Variants in CRYGB observed in about 807,000 individuals in gnomAD.
The protein encoded by CRYGB is crystallin gamma B.
In CRYGB, 19 loss-of-function variants were observed where a neutral mutation model predicts 21.3. The ratio of observed to expected loss-of-function variants is 0.89; its 90% confidence interval spans 0.62 to 1.31. The LOEUF is 1.31. CRYGB is among the 50% of genes most tolerant of loss of function. The pLI, the probability that CRYGB is intolerant of heterozygous loss-of-function variation, is 0.00. For missense variants in CRYGB, 254 were observed against 228.4 expected (o/e 1.11, Z -0.72); for synonymous variants, 81 against 81.2 (o/e 1.00, Z 0.01).
chr2:208,143,015 T>C, intron 2 of CRYGB, 102 bp from the exon 3 acceptor site: 10 of 1,337,612 alleles, frequency 7.5e-6, no homozygotes, highest in African/African-American at 1.5e-5. Flanking sequence ...CCAGAAGTTC[T>C]CCCAGGCCAA....
At chr2:208,145,662 C>A in intron 2 of CRYGB, 112 bp downstream of exon 2, 2 of 1,456,630 alleles carry the variant, frequency 1.4e-6, no homozygotes, top group Admixed American at 2.5e-5. Flanking sequence ...GCACTCCACC[C>A]TGGGGGACAG....
intron 2 of CRYGB, among the ~76,000 whole-genome samples, chr2:208,145,294 G>A: frequency 6.6e-6 from 1 of 151,902 alleles, no homozygotes; most frequent in Admixed American, 6.6e-5. Flanking sequence ...CCAGGCTGGA[G>A]TGCAGTGGCA....
Position 208,142,843 on chromosome 2 carries a change from T to C in CRYGB, c.323A>G (p.Asp108Gly), listed in dbSNP as rs1695379608. The C allele has an allele frequency of 6.2e-7, 1 of 1,614,128 alleles. No homozygotes were observed. The highest frequency in any genetic ancestry group is 1.3e-5 in the African/African-American group (1 of 75,042). ...ELRGQMSELT[D>G]DCISVQDRFH... ...GCGGTCCTGAACAGAGATACAGTCGTCTGTGAGCTCTGACATTTGTCCCCT... is the reference window on the plus strand; with the variant it reads ...GCGGTCCTGAACAGAGATACAGTCGCCTGTGAGCTCTGACATTTGTCCCCT... The change falls in exon 3 of 3, where the codon GAC (aspartate) becomes GGC (glycine). Residue 108 changes from aspartate (D) to glycine (G), a missense_variant. By Grantham distance (94) the Asp-to-Gly change is moderately conservative (BLOSUM62 -1). Transcript: ENST00000260988.
At position 208,142,828 on chromosome 2, in the gene CRYGB, A is replaced by G; in HGVS notation, c.338T>C (p.Val113Ala). 6.2e-7 allele frequency: 1 copy of G among 1,614,162 alleles called. No individual in the cohort carries two copies. The highest frequency in any genetic ancestry group is 8.5e-7 in the Non-Finnish European group (1 of 1,180,028). ...TTCAGTGAGGTGGAAGCGGTCCTGAACAGAGATACAGTCGTCTGTGAGCTC... is the reference window on the plus strand; with the variant it reads ...TTCAGTGAGGTGGAAGCGGTCCTGAGCAGAGATACAGTCGTCTGTGAGCTC... ...MSELTDDCISVQDRFHLTEIH... is the reference protein window; with the variant it reads ...MSELTDDCISAQDRFHLTEIH... The change falls in exon 3 of 3, where the codon GTT becomes GCT. Residue 113 changes from valine to alanine, a missense_variant. Physicochemically the swap from Val to Ala is moderately conservative, Grantham distance 64. Coordinates refer to ENST00000260988, the MANE Select transcript of CRYGB (RefSeq NM_005210.4).
At chr2:208,145,367 C>T (rs868211418) in intron 2 of CRYGB, among the ~76,000 whole-genome samples, 14 of 151,984 alleles carry the variant, frequency 9.2e-5, no homozygotes, top group East Asian at 3.9e-4. Flanking sequence ...CTGCCCCAGC[C>T]GCCCGAGTAG....
chr2:208,145,971 A>T lies in CRYGB; in HGVS notation c.55T>A (p.Cys19Ser), dbSNP rs1432376970. 6.2e-7 allele frequency: 1 copy of T among 1,614,200 alleles called. No homozygotes were observed. Among genetic ancestry groups the T allele is most frequent in the Non-Finnish European group, 8.5e-7 (1 of 1,180,034 alleles). ...DRAFQGRSYE[C>S]TTDCPNLQPY... is the part of the protein sequence containing the mutation. ...TGTAGGTTGGGGCAGTCAGTGGTGC[A>T]TTCGTAGCTGCGGCCCTGGAAGGCC... The change falls in exon 2 of 3, where the codon TGC becomes AGC. Residue 19 changes from cysteine to serine, a missense_variant. Cys to Ser is a moderately radical substitution (Grantham distance 112, BLOSUM62 -1). Transcript: ENST00000260988.
intron 2 of CRYGB, among the ~76,000 whole-genome samples, chr2:208,145,239 G>A (rs979466990): frequency 1.1e-5 from 1 of 88,316 alleles, no homozygotes; most frequent in African/African-American, 3.6e-5. Flanking sequence ...TGTTGTTGTT[G>A]TTGTTGTTGT....
chr2:208,144,703 G>C (rs1023306278), intron 2 of CRYGB, among the ~76,000 whole-genome samples: 1 of 149,766 alleles, frequency 6.7e-6, no homozygotes, highest in Non-Finnish European at 1.5e-5. Flanking sequence ...CGATTCTCCT[G>C]CCTCAGCCTC....
In CRYGB at chr2:208,145,348, G is replaced by A. The variant is rs549530442; in HGVS notation, c.252+426C>T. Reference sequence around the variant, plus strand: ...ACCTCCATCTCCCGGCTTCAAGCAAGCAATTCTCCTGCCCCAGCCGCCCGA... The same window carrying A: ...ACCTCCATCTCCCGGCTTCAAGCAAACAATTCTCCTGCCCCAGCCGCCCGA... On this transcript the variant is annotated intron_variant, in intron 2 of 2. Coordinates refer to ENST00000260988, the MANE Select transcript of CRYGB (RefSeq NM_005210.4). 7.7e-4 allele frequency among the ~76,000 whole-genome samples: 116 copies of A among 151,406 alleles called. 2 individuals are homozygous for A. In the South Asian group the frequency reaches 0.024, roughly 32 times the overall value.
chr2:208,145,759 C>T lies in CRYGB; in HGVS notation c.252+15G>A. 2 of 1,582,342 alleles carry T rather than the reference C, an allele frequency of 1.3e-6. No individual in the cohort carries two copies. The highest frequency in any genetic ancestry group is 2.7e-5 in the African/African-American group (2 of 72,914). On this transcript the variant is annotated intron_variant, in intron 2 of 2. Coordinates refer to ENST00000260988, the MANE Select transcript of CRYGB (RefSeq NM_005210.4). ...TTTCCAAAAAGATGGAAGGCAAAGA[C>T]AGAGCCACACTCACCGGGGGGATGA...
chr2:208,142,944 A>G, intron 2 of CRYGB, 31 bp from the exon 3 acceptor site: 3 of 1,548,332 alleles, frequency 1.9e-6, no homozygotes, highest in African/African-American at 1.4e-5. Context: ...CGCAAGAGTA[A>G]ACAAACAAAA....
intron 1 of CRYGB, 22 bp from the exon 2 acceptor site, chr2:208,146,038 A>G (rs1695465481): frequency 6.2e-7 from 1 of 1,611,160 alleles, no homozygotes; most frequent in South Asian, 1.1e-5. Context: ...AAGATGTGGG[A>G]GCATGGAGTG....
intron 2 of CRYGB, 37 bp downstream of exon 2, chr2:208,145,737 C>G (rs562286003): frequency 6.5e-7 from 1 of 1,536,390 alleles, no homozygotes; most frequent in Non-Finnish European, 8.7e-7. Context: ...GCTTTTATTT[C>G]CAAAAAGATG....
chr2:208,143,509 T>G (rs1176647124), intron 2 of CRYGB, among the ~76,000 whole-genome samples: 17 of 87,046 alleles, frequency 2.0e-4, no homozygotes, highest in African/African-American at 5.2e-4. Flanking sequence ...TTATCTACTG[T>G]TTTTTTTTTT....
At chr2:208,145,688 CAAAAAAA>C (rs554918356) in intron 2 of CRYGB, 79 bp downstream of exon 2, 123 of 1,284,162 alleles carry the variant, frequency 9.6e-5, no homozygotes, top group Middle Eastern at 5.9e-4. Flanking sequence ...GACTCCGCCT[CAAAAAAA>C]AAAAAAAAAA....
chr2:208,145,813 G>A lies in CRYGB; in HGVS notation c.213C>T (p.Gly71=), dbSNP rs956680505. The A allele has an allele frequency of 6.2e-7, 1 of 1,613,772 alleles. No homozygotes were observed. Among genetic ancestry groups the A allele is most frequent in the Non-Finnish European group, 8.5e-7 (1 of 1,180,004 alleles). The change falls in exon 2 of 3, where the codon GGC becomes GGT. Residue 71 remains glycine, a synonymous_variant. Coordinates refer to ENST00000260988, the MANE Select transcript of CRYGB (RefSeq NM_005210.4). Reference sequence around the variant, plus strand: ...AGCAGGAGCGGATGGAGTCGCTGAGGCCCATCCATTGCTGGTAGTCAGGGT... The same window carrying A: ...AGCAGGAGCGGATGGAGTCGCTGAGACCCATCCATTGCTGGTAGTCAGGGT... ...GEYPDYQQWM[G]LSDSIRSCCL... is the part of the protein sequence containing the mutation.
In CRYGB at chr2:208,144,022, G is replaced by GTTT. The variant is rs4021949; in HGVS notation, c.253-1112_253-1110dup. The stretch of plus-strand genomic sequence containing the variant: ...TTGGCAAAATAAACCTTCTTTCTGG[G>GTTT]TTTTTTTTTTTTTTTGAGATGGAGT... On this transcript the variant is annotated intron_variant, in intron 2 of 2. Coordinates refer to ENST00000260988, the MANE Select transcript of CRYGB (RefSeq NM_005210.4). Among the ~76,000 whole-genome samples, 213 of 134,054 alleles carry GTTT rather than the reference G, an allele frequency of 1.6e-3. 16 individuals are homozygous for GTTT. The highest frequency in any genetic ancestry group is 3.9e-3 in the Middle Eastern group (1 of 258). The allele number at this position is 134,054 out of a possible 152,430, so 87.9% of individuals were successfully genotyped here. A position where few individuals can be genotyped will look rare whatever the true frequency, so the allele number is the denominator to read the frequency against.
At chr2:208,144,062 C>T (rs1414656894) in intron 2 of CRYGB, among the ~76,000 whole-genome samples, 2 of 138,584 alleles carry the variant, frequency 1.4e-5, no homozygotes, top group Admixed American at 7.6e-5. Flanking sequence ...CTCTTGTTGC[C>T]CAGGCTGGAG....
At position 208,145,850 on chromosome 2, in the gene CRYGB, C is replaced by A; in HGVS notation, c.176G>T (p.Arg59Leu). 1 of 1,614,080 alleles carries A rather than the reference C, an allele frequency of 6.2e-7. No individual in the cohort carries two copies. The highest frequency in any genetic ancestry group is 8.5e-7 in the Non-Finnish European group (1 of 1,180,016). Residue 59 changes from arginine (R) to leucine (L), a missense_variant, in exon 2 of 3, where the codon CGG becomes CTG. Arg to Leu is a moderately radical substitution (Grantham distance 102). Transcript: ENST00000260988. ...CTGGTAGTCAGGGTACTCCCCACGCCGCAGGAAGTACTGGTGGCCCTGGTA... is the reference window on the plus strand; with the variant it reads ...CTGGTAGTCAGGGTACTCCCCACGCAGCAGGAAGTACTGGTGGCCCTGGTA... ...PNYQGHQYFLRRGEYPDYQQW... is the reference protein window; with the variant it reads ...PNYQGHQYFLLRGEYPDYQQW...
Sources: allele counts gnomAD v4.1 joint callset (sites outside exome capture counted in the v4.1 genomes callset), GRCh38; gene constraint gnomAD v4.1.1; transcripts MANE v1.5; gene names NCBI Gene and HGNC (gene_info 2026-07-23, HGNC 2026-07-21).